The following NRXN3 variants were observed in gnomAD, a reference collection of about 807,000 sequenced individuals.
NRXN3 encodes neurexin 3.
Under a neutral mutation model 137.6 loss-of-function variants are expected in NRXN3, and 32 were observed. The ratio of observed to expected loss-of-function variants is 0.23; its 90% confidence interval spans 0.18 to 0.31. The LOEUF is 0.31. Among genes scored for constraint, NRXN3 ranks in the 10% least tolerant of loss-of-function variants. NRXN3 has a pLI of 1.00. For synonymous variants in NRXN3, 798 were observed against 784.5 expected (o/e 1.02, Z -0.29); for missense variants, 1,574 against 2,062.5 (o/e 0.76, Z 4.59).
At chr14:79,609,925 A>G (rs2098078029) in intron 16 of NRXN3, among the ~76,000 whole-genome samples, 1 of 151,954 alleles carries the variant, frequency 6.6e-6, no homozygotes, top group South Asian at 2.1e-4. Context: ...AGAGAGGGGA[A>G]CATCACACAC....
intron 15 of NRXN3, among the ~76,000 whole-genome samples, chr14:79,327,220 G>C (rs189768879): frequency 6.6e-5 from 10 of 152,254 alleles, no homozygotes; most frequent in African/African-American, 2.4e-4. Flanking sequence ...TGCATTTGCA[G>C]CTCCCCCAGA....
chr14:78,988,247 A>G, intron 15 of NRXN3, 106 bp downstream of exon 15: 1 of 1,370,588 alleles, frequency 7.3e-7, no homozygotes, highest in Non-Finnish European at 1.0e-6. Context: ...AAGATTCATA[A>G]GTAATTCTCT....
At chr14:79,130,958 C>G (rs1408089906) in intron 15 of NRXN3, among the ~76,000 whole-genome samples, 1 of 152,138 alleles carries the variant, frequency 6.6e-6, no homozygotes, top group East Asian at 1.9e-4. Flanking sequence ...CCCTTTCTTC[C>G]AGTTGATCGC....
Position 79,467,372 on chromosome 14 carries a change from A to G in NRXN3, c.3414A>G (p.Pro1138=), listed in dbSNP as rs745991177. The G allele has an allele frequency of 1.4e-5, 23 of 1,609,096 alleles. No homozygotes were observed. The highest frequency in any genetic ancestry group is 2.0e-5 in the Non-Finnish European group (23 of 1,175,938). Residue 1138 remains proline (P), a synonymous_variant, in exon 16 of 21, where the codon CCA becomes CCG. Coordinates refer to ENST00000335750, the MANE Select transcript of NRXN3 (RefSeq NM_001330195.2). The part of the protein sequence containing the change: ...DGILVRIDSA[P]GLGDFLQLHI... ...TCTTGGTCCGCATCGACAGTGCTCC[A>G]GGACTTGGTGACTTCCTCCAGCTTC...
intron 17 of NRXN3, among the ~76,000 whole-genome samples, chr14:79,691,086 G>T (rs1341525155): frequency 1.3e-5 from 2 of 151,946 alleles, no homozygotes; most frequent in Non-Finnish European, 2.9e-5. Context: ...CCAAGGCATG[G>T]CTTCATCATT....
At chr14:79,015,058 G>A (rs2099577032) in intron 15 of NRXN3, among the ~76,000 whole-genome samples, 1 of 152,036 alleles carries the variant, frequency 6.6e-6, no homozygotes, top group South Asian at 2.1e-4. Flanking sequence ...GAGTGCGCCT[G>A]TCTTCGCAAT....
intron 15 of NRXN3, among the ~76,000 whole-genome samples, chr14:79,108,087 T>C (rs2052785455): frequency 6.6e-6 from 1 of 152,148 alleles, no homozygotes; most frequent in Admixed American, 6.6e-5. Context: ...TAGCTACGTG[T>C]CACTGTGTTT....
chr14:79,260,535 C>T (rs1281311902), intron 15 of NRXN3, among the ~76,000 whole-genome samples: 7 of 152,098 alleles, frequency 4.6e-5, no homozygotes, highest in Non-Finnish European at 8.8e-5. Context: ...TGTATATTGT[C>T]TCTGTATGAT....
chr14:79,395,587 T>A (rs935149345), intron 15 of NRXN3, among the ~76,000 whole-genome samples: 2 of 151,880 alleles, frequency 1.3e-5, no homozygotes, highest in African/African-American at 4.8e-5. Context: ...GATGGGCAGA[T>A]CATGAGGTCA....
In NRXN3 at chr14:78,287,660, A is replaced by G. The variant is rs571709590; in HGVS notation, c.727+8998A>G. 1.3e-4 allele frequency among the ~76,000 whole-genome samples: 20 copies of G among 152,268 alleles called. 1 individual carries two copies. The South Asian group carries it at 4.1e-3, about 32-fold the overall frequency. On this transcript the variant is annotated intron_variant, in intron 3 of 20. Transcript: ENST00000335750. ...ACTGAACATTTGAAAGCTCTTTCTT[A>G]TCTCTAGTTGCTATAGCCTCCACCA...
intron 15 of NRXN3, among the ~76,000 whole-genome samples, chr14:79,188,456 CA>C (rs2063801612): frequency 6.6e-6 from 1 of 151,598 alleles, no homozygotes; most frequent in Non-Finnish European, 1.5e-5. Flanking sequence ...TTCTGGAGAA[CA>C]GTCTTTATAG....
At chr14:79,373,366 G>A (rs1452185077) in intron 15 of NRXN3, among the ~76,000 whole-genome samples, 1 of 152,156 alleles carries the variant, frequency 6.6e-6, no homozygotes, top group Non-Finnish European at 1.5e-5. Context: ...ATATTTGACT[G>A]GGCTGGTTGG....
At chr14:79,576,035 T>C (rs970076532) in intron 16 of NRXN3, among the ~76,000 whole-genome samples, 1 of 152,216 alleles carries the variant, frequency 6.6e-6, no homozygotes, top group South Asian at 2.1e-4. Context: ...ATTCTTCTTA[T>C]CTGTGCTGAT....
chr14:78,221,521 A>G (rs541203615), intron 1 of NRXN3, among the ~76,000 whole-genome samples: 2 of 152,320 alleles, frequency 1.3e-5, no homozygotes, highest in East Asian at 3.9e-4. Context: ...GTGGGAGAGT[A>G]ATCTTGGGGT....
chr14:79,649,842 A>G (rs221458), intron 16 of NRXN3, among the ~76,000 whole-genome samples: 1,568 of 152,322 alleles, frequency 0.01, 24 homozygotes, highest in African/African-American at 0.033. Flanking sequence ...CTTGGCTGCT[A>G]TAACAGAATG....
At chr14:78,802,246 G>A (rs933350824) in intron 8 of NRXN3, among the ~76,000 whole-genome samples, 1 of 152,190 alleles carries the variant, frequency 6.6e-6, no homozygotes, top group Non-Finnish European at 1.5e-5. Context: ...GAGATGCTGT[G>A]TGACTTTGGG....
At chr14:79,577,363 T>A (rs530796077) in intron 16 of NRXN3, among the ~76,000 whole-genome samples, 15 of 152,336 alleles carry the variant, frequency 9.8e-5, no homozygotes, top group African/African-American at 3.6e-4. Flanking sequence ...GATAGTCTAT[T>A]TGGATTCTTT....
At chr14:79,553,526 C>T (rs1342330742) in intron 16 of NRXN3, among the ~76,000 whole-genome samples, 1 of 152,132 alleles carries the variant, frequency 6.6e-6, no homozygotes, top group African/African-American at 2.4e-5. Context: ...CTAACTCCCA[C>T]CTCTATTGTG....
At chr14:78,423,201 C>T (rs923401776) in intron 4 of NRXN3, among the ~76,000 whole-genome samples, 3 of 152,134 alleles carry the variant, frequency 2.0e-5, no homozygotes, top group Non-Finnish European at 4.4e-5. Flanking sequence ...AATTCCTCCT[C>T]AGTCACATTT....
Sources: allele counts gnomAD v4.1 joint callset (sites outside exome capture counted in the v4.1 genomes callset), GRCh38; gene constraint gnomAD v4.1.1; transcripts MANE v1.5; gene names NCBI Gene and HGNC (gene_info 2026-07-23, HGNC 2026-07-21).